TEC: variants seen among roughly 807,000 people sequenced by gnomAD.
The protein encoded by TEC is tyrosine-protein kinase Tec.
TEC carries 72 observed loss-of-function variants against 93.0 expected under a neutral mutation model. That is an observed-to-expected ratio of 0.77 (90% CI 0.64 to 0.94). The LOEUF (loss-of-function observed/expected upper bound fraction) is 0.94. TEC is among the 40% of genes least tolerant of loss of function. The pLI, the probability that TEC is intolerant of heterozygous loss-of-function variation, is 0.00. For missense variants in TEC, 630 were observed against 757.9 expected, an observed-to-expected ratio of 0.83 and a Z score of 1.98; for synonymous variants, 249 against 247.7, an observed-to-expected ratio of 1.01 and a Z score of -0.05.
intron 1 of TEC, among the ~76,000 whole-genome samples, chr4:48,263,139 T>C (rs916422249): frequency 4.6e-5 from 7 of 152,094 alleles, no homozygotes; most frequent in African/African-American, 1.7e-4. Flanking sequence ...GCAGGGTACA[T>C]CAGCCCAGCC....
chr4:48,243,280 A>C (rs1370892697), intron 1 of TEC, among the ~76,000 whole-genome samples: 2 of 152,188 alleles, frequency 1.3e-5, no homozygotes, highest in African/African-American at 2.4e-5. Context: ...AAGTAACTTA[A>C]ACAGGTAAGT....
At chr4:48,220,031 T>C (rs1299372311) in intron 2 of TEC, among the ~76,000 whole-genome samples, 1 of 148,686 alleles carries the variant, frequency 6.7e-6, no homozygotes, top group East Asian at 2.1e-4. Context: ...CTATTAGCAG[T>C]GTGACAACCT....
chr4:48,231,712 G>T (rs1021739226), intron 1 of TEC, among the ~76,000 whole-genome samples: 1 of 151,548 alleles, frequency 6.6e-6, no homozygotes, highest in Non-Finnish European at 1.5e-5. Flanking sequence ...AGCCAAGATC[G>T]CACCACTGCA....
intron 1 of TEC, among the ~76,000 whole-genome samples, chr4:48,249,430 A>C (rs758219909): frequency 2.6e-5 from 4 of 152,162 alleles, no homozygotes; most frequent in Non-Finnish European, 5.9e-5. Flanking sequence ...TTTAAGATAC[A>C]CTCTCCAGTA....
chr4:48,176,215 A>T (rs1255656615), intron 2 of TEC, 29 bp from the exon 3 acceptor site: 1 of 1,522,412 alleles, frequency 6.6e-7, no homozygotes. Context: ...GAGAAACATT[A>T]GAATCATAAG....
rs28523908 is a variant in TEC at position 48,184,749 on chromosome 4, G to A, written c.139-8563C>T. ...CTGAAATGGCATGTTTAGCAACAAA[G>A]GACCAGGCAGACAAAAAAAATACAC... On this transcript the variant is annotated intron_variant, in intron 2 of 17. Transcript: ENST00000381501. 5.1e-3 allele frequency among the ~76,000 whole-genome samples: 720 copies of A among 142,498 alleles called. 4 individuals are homozygous for A. Among genetic ancestry groups the A allele is most frequent in the African/African-American group, 0.018 (694 of 37,916 alleles). 93.5% of individuals were successfully genotyped at this position (142,498 alleles called of 152,430 possible).
intron 2 of TEC, among the ~76,000 whole-genome samples, chr4:48,198,750 AAT>A (rs1030985314): frequency 2.4e-4 from 36 of 152,290 alleles, no homozygotes; most frequent in African/African-American, 6.3e-4. Flanking sequence ...AAGGGGAAAA[AAT>A]ATATTTTTTT....
At chr4:48,192,547 C>T (rs1471261834) in intron 2 of TEC, among the ~76,000 whole-genome samples, 1 of 152,054 alleles carries the variant, frequency 6.6e-6, no homozygotes, top group South Asian at 2.1e-4. Flanking sequence ...CCCCTGCTCT[C>T]GGAAACCCTG....
intron 1 of TEC, among the ~76,000 whole-genome samples, chr4:48,268,915 G>T (rs748802096): frequency 4.0e-5 from 6 of 151,816 alleles, no homozygotes; most frequent in Non-Finnish European, 7.4e-5. Context: ...TTCCAAACCT[G>T]GTACACACCA....
chr4:48,154,536 G>T (rs1720316829), intron 9 of TEC, among the ~76,000 whole-genome samples: 2 of 152,194 alleles, frequency 1.3e-5, no homozygotes, highest in Non-Finnish European at 2.9e-5. Context: ...AAAGGAAGAT[G>T]AGTTTTTGGT....
At chr4:48,161,748 A>G (rs949204991) in intron 8 of TEC, among the ~76,000 whole-genome samples, 6 of 152,270 alleles carry the variant, frequency 3.9e-5, no homozygotes, top group South Asian at 4.2e-4. Flanking sequence ...CATTTGGGTC[A>G]GTGGACTGGG....
intron 2 of TEC, among the ~76,000 whole-genome samples, chr4:48,214,919 G>A (rs1723022115): frequency 6.6e-6 from 1 of 152,094 alleles, no homozygotes; most frequent in Admixed American, 6.5e-5. Flanking sequence ...TTGGGAGTCT[G>A]AGGTGGGCAG....
rs577527295 is a variant in TEC at position 48,143,990 on chromosome 4, T to C, written c.1470+1089A>G. ...CCTGTAATCCTAGCACTTGGGAGGCTGAGGCAGGCAGATTGCTTAAGCTCA... is the reference window on the plus strand; with the variant it reads ...CCTGTAATCCTAGCACTTGGGAGGCCGAGGCAGGCAGATTGCTTAAGCTCA... On this transcript the variant is annotated intron_variant, in intron 14 of 17. Transcript: ENST00000381501. 6.6e-5 allele frequency among the ~76,000 whole-genome samples: 10 copies of C among 152,296 alleles called. 1 individual carries two copies. The highest frequency in any genetic ancestry group is 6.8e-3 in the Middle Eastern group (2 of 294).
intron 1 of TEC, among the ~76,000 whole-genome samples, chr4:48,235,481 TAAAA>T (rs1281050323): frequency 1.3e-5 from 2 of 152,008 alleles, no homozygotes; most frequent in African/African-American, 4.8e-5. Flanking sequence ...TAATAAAACA[TAAAA>T]ACCAGAGGAA....
At chr4:48,212,077 T>TGGTGTTGCGGTGCGTTAGAAATTAGGCC in intron 2 of TEC, among the ~76,000 whole-genome samples, 1 of 126,660 alleles carries the variant, frequency 7.9e-6, no homozygotes, top group South Asian at 2.5e-4. Flanking sequence ...CTAGCTTGGG[T>TGGTGTTGCGGTGCGTTAGAAATTAGGCC]GACAGAGTGA....
Position 48,225,366 on chromosome 4 carries a change from G to A in TEC, c.138+3111C>T, listed in dbSNP as rs1032316179. Among the ~76,000 whole-genome samples the A allele has an allele frequency of 2.6e-5, 4 of 151,966 alleles. No homozygotes were observed. The East Asian group carries it at 5.8e-4, about 22-fold the overall frequency. On this transcript the variant is annotated intron_variant, in intron 2 of 17. Transcript: ENST00000381501. ...ATTTTTTTGTATGTTTAGTAGAGAC[G>A]GGGTTTCACCATGTTGGCCAGGCTG...
chr4:48,225,096 A>AT (rs990250142), intron 2 of TEC, among the ~76,000 whole-genome samples: 8 of 152,160 alleles, frequency 5.3e-5, no homozygotes, highest in African/African-American at 1.9e-4. Context: ...CTAGAGTCAC[A>AT]TTTTTTTAAC....
intron 2 of TEC, among the ~76,000 whole-genome samples, chr4:48,186,708 C>T (rs192055724): frequency 6.6e-6 from 1 of 151,852 alleles, no homozygotes; most frequent in East Asian, 1.9e-4. Context: ...GCAGCCGCCC[C>T]GTCCAGGAGG....
chr4:48,138,717 G>T lies in TEC; in HGVS notation c.1760C>A (p.Pro587Gln), dbSNP rs761626081. ...MVTRGHRLYQ[P>Q]KLASNYVYEV... The stretch of plus-strand genomic sequence containing the variant: ...ATACACATAGTTGGACGCCAACTTC[G>T]GCTGGTAGAGTCGGTGGCCTCGAGT... Residue 587 changes from proline (P) to glutamine (Q), a missense_variant, in exon 17 of 18, where the codon CCG becomes CAG. Physicochemically the swap from Pro to Gln is moderately conservative, Grantham distance 76. This residue lies in a region of TEC where 289 missense variants were observed against 390.0 expected (regional missense o/e 0.74). Transcript: ENST00000381501. 2.5e-6 allele frequency: 4 copies of T among 1,614,114 alleles called. No individual in the cohort carries two copies. The highest frequency in any genetic ancestry group is 3.4e-6 in the Non-Finnish European group (4 of 1,180,008).
Sources: allele counts gnomAD v4.1 joint callset (sites outside exome capture counted in the v4.1 genomes callset), GRCh38; gene constraint gnomAD v4.1.1; regional missense constraint gnomAD v4.1.1; transcripts MANE v1.5; gene names NCBI Gene and HGNC (gene_info 2026-07-23, HGNC 2026-07-21).